Variants in C12orf50 observed in about 807,000 individuals in gnomAD.
The protein encoded by C12orf50 is uncharacterized protein C12orf50.
C12orf50 carries 35 observed loss-of-function variants against 61.6 expected under a neutral mutation model. The ratio of observed to expected loss-of-function variants is 0.57; its 90% CI spans 0.43 to 0.75. The LOEUF (loss-of-function observed/expected upper bound fraction) is 0.75. Ranked by LOEUF, C12orf50 falls within the 30% of genes least tolerant of loss-of-function variation. The pLI, the probability that C12orf50 is intolerant of heterozygous loss-of-function variation, is 0.00. For missense variants in C12orf50, 475 were observed against 488.5 expected, an observed-to-expected ratio of 0.97 and a Z score of 0.26; for synonymous variants, 178 against 161.5, an observed-to-expected ratio of 1.10 and a Z score of -0.77.
intron 11 of C12orf50, 29 bp downstream of exon 11, chr12:87,985,821 G>C: frequency 6.2e-7 from 1 of 1,608,378 alleles, no homozygotes; most frequent in Non-Finnish European, 8.5e-7. Flanking sequence ...CCACAGACAA[G>C]AGTAAACCAC....
intron 11 of C12orf50, 185 bp downstream of exon 11, chr12:87,985,665 C>A: frequency 1.6e-6 from 1 of 643,354 alleles, no homozygotes. Context: ...GAGTTTTCTT[C>A]CATATCCTTT....
chr12:88,024,880 G>A (rs149863121), intron 3 of C12orf50, among the ~76,000 whole-genome samples: 5 of 152,272 alleles, frequency 3.3e-5, no homozygotes, highest in Non-Finnish European at 5.9e-5. Context: ...AATCCTGCTC[G>A]TGGTTCAAGT....
chr12:87,995,231 G>A (rs1423849193), intron 6 of C12orf50, among the ~76,000 whole-genome samples: 1 of 152,092 alleles, frequency 6.6e-6, no homozygotes, highest in Non-Finnish European at 1.5e-5. Flanking sequence ...AAAGAGACAT[G>A]ACAACCTAAT....
intron 12 of C12orf50, 42 bp downstream of exon 12, chr12:87,983,061 T>C (rs186890319): frequency 1.7e-6 from 2 of 1,210,716 alleles, no homozygotes; most frequent in African/African-American, 3.1e-5. Flanking sequence ...TTATTCATTT[T>C]CAGAATTGCA....
chr12:87,993,479 A>G (rs1473959731), intron 7 of C12orf50, among the ~76,000 whole-genome samples: 1 of 152,166 alleles, frequency 6.6e-6, no homozygotes, highest in Non-Finnish European at 1.5e-5. Context: ...AATTACAGCT[A>G]GACTAAAACA....
intron 9 of C12orf50, among the ~76,000 whole-genome samples, chr12:87,987,256 CT>C (rs2030872226): frequency 6.6e-6 from 1 of 152,150 alleles, no homozygotes; most frequent in African/African-American, 2.4e-5. Context: ...CATCATGCCC[CT>C]GATCCACTCC....
intron 3 of C12orf50, among the ~76,000 whole-genome samples, chr12:88,011,340 A>G (rs2032102655): frequency 2.0e-5 from 3 of 152,268 alleles, no homozygotes; most frequent in South Asian, 4.1e-4. Flanking sequence ...TTTCTACACC[A>G]TTAGATGACA....
intron 7 of C12orf50, among the ~76,000 whole-genome samples, chr12:87,994,085 A>C (rs2136424218): frequency 6.6e-6 from 1 of 152,214 alleles, no homozygotes; most frequent in Admixed American, 6.5e-5. Flanking sequence ...CTGTAGTGCC[A>C]GCTACTTAGG....
intron 3 of C12orf50, among the ~76,000 whole-genome samples, chr12:87,999,211 A>G (rs2031549489): frequency 6.6e-6 from 1 of 152,046 alleles, no homozygotes; most frequent in South Asian, 2.1e-4. Flanking sequence ...GTGACACAGA[A>G]AGAATAAATA....
At chr12:88,011,334 TACACCATTAGATG>T (rs1367702300) in intron 3 of C12orf50, among the ~76,000 whole-genome samples, 1 of 152,182 alleles carries the variant, frequency 6.6e-6, no homozygotes, top group African/African-American at 2.4e-5. Context: ...GCACATTTTC[TACACCATTAGATG>T]ACATTCAATA....
intron 3 of C12orf50, among the ~76,000 whole-genome samples, chr12:88,013,271 T>C (rs962451342): frequency 2.0e-5 from 3 of 152,196 alleles, no homozygotes; most frequent in Non-Finnish European, 4.4e-5. Flanking sequence ...CAAGAACCTA[T>C]GAGCTTATTA....
chr12:87,992,268 ATG>A, intron 7 of C12orf50, among the ~76,000 whole-genome samples: 1 of 152,268 alleles, frequency 6.6e-6, no homozygotes, highest in African/African-American at 2.4e-5. Flanking sequence ...ATGTAGGTAT[ATG>A]TGTGTGTGTA....
intron 6 of C12orf50, among the ~76,000 whole-genome samples, chr12:87,995,194 CT>C (rs748777984): frequency 2.6e-5 from 4 of 152,014 alleles, no homozygotes; most frequent in Admixed American, 6.6e-5. Flanking sequence ...TAATTTTCTT[CT>C]AAAATAAACT....
chr12:87,990,840 A>T (rs1164137315), intron 7 of C12orf50, among the ~76,000 whole-genome samples: 1 of 151,262 alleles, frequency 6.6e-6, no homozygotes, highest in Admixed American at 6.6e-5. Context: ...TAGGCATAAA[A>T]CTCCCTTTAA....
At chr12:87,990,341 T>G (rs542987845) in intron 7 of C12orf50, among the ~76,000 whole-genome samples, 2 of 152,288 alleles carry the variant, frequency 1.3e-5, no homozygotes, top group Non-Finnish European at 2.9e-5. Context: ...ATTTACTGAG[T>G]GCACATAATG....
intron 3 of C12orf50, among the ~76,000 whole-genome samples, chr12:88,011,142 A>AAAATTTTATATATATATT (rs2032094253): frequency 6.6e-6 from 1 of 152,134 alleles, no homozygotes; most frequent in Non-Finnish European, 1.5e-5. Flanking sequence ...TATATTATGT[A>AAAATTTTATATATATATT]GTGATTACCT....
chr12:88,003,964 T>G lies in C12orf50; in HGVS notation c.134-5774A>C, dbSNP rs182127355. On this transcript the variant is annotated intron_variant, in intron 3 of 12. Transcript: ENST00000298699. ...TTTTTCATTTATTTTTCTCTTGATTTTTCAGATTGTATAATCTCCGTTGAT... is the reference window on the plus strand; with the variant it reads ...TTTTTCATTTATTTTTCTCTTGATTGTTCAGATTGTATAATCTCCGTTGAT... Among the ~76,000 whole-genome samples the G allele has an allele frequency of 2.2e-3, 338 of 152,254 alleles. 1 individual carries two copies. The highest frequency in any genetic ancestry group is 3.8e-3 in the Non-Finnish European group (257 of 67,976).
intron 3 of C12orf50, among the ~76,000 whole-genome samples, chr12:88,004,835 TA>T (rs879518345): frequency 6.6e-6 from 1 of 151,972 alleles, no homozygotes; most frequent in Non-Finnish European, 1.5e-5. Flanking sequence ...GAACATTGAG[TA>T]CACATGGACA....
rs1293616502 is a variant in C12orf50, at chr12:87,998,087, A to C, written c.237T>G (p.Pro79=). 1 of 1,612,880 alleles carries C rather than the reference A, an allele frequency of 6.2e-7. No individual in the cohort carries two copies. Among genetic ancestry groups the C allele is most frequent in the African/African-American group, 1.3e-5 (1 of 75,002 alleles). Residue 79 remains proline (P), a synonymous_variant, in exon 4 of 13, where the codon CCT becomes CCG. Transcript: ENST00000298699. The part of the protein sequence containing the change: ...QENISRPIHH[P]LVLKTNFEEE... Reference sequence around the variant, plus strand: ...CCTCAAAATTAGTTTTTAAAACTAAAGGATGGTGGATGGGTCGTGATATAT... The same window carrying C: ...CCTCAAAATTAGTTTTTAAAACTAACGGATGGTGGATGGGTCGTGATATAT...
Sources: allele counts gnomAD v4.1 joint callset (sites outside exome capture counted in the v4.1 genomes callset), GRCh38; gene constraint gnomAD v4.1.1; transcripts MANE v1.5; gene names NCBI Gene and HGNC (gene_info 2026-07-23, HGNC 2026-07-21).